EEA1: variants seen among roughly 807,000 people sequenced by gnomAD.
The protein encoded by EEA1 is early endosome antigen 1, also known as early endosome antigen 1, 162kD.
A neutral mutation model predicts 209.2 loss-of-function variants in EEA1; 111 were observed. The observed-to-expected ratio is 0.53, with a 90% confidence interval of 0.45 to 0.62. The LOEUF is 0.62. Ranked by LOEUF, EEA1 falls within the 20% of genes least tolerant of loss-of-function variation. The probability of loss-of-function intolerance (pLI) is 0.00; values close to 1 mark genes in which losing one functional copy is unlikely to be tolerated. For missense variants in EEA1, 1,343 were observed against 1,530.8 expected, an observed-to-expected ratio of 0.88 and a Z score of 2.05; for synonymous variants, 536 against 540.6, an observed-to-expected ratio of 0.99 and a Z score of 0.12.
At chr12:92,805,134 G>A (rs1209306807) in intron 18 of EEA1, among the ~76,000 whole-genome samples, 5 of 152,136 alleles carry the variant, frequency 3.3e-5, no homozygotes, top group Non-Finnish European at 5.9e-5. Flanking sequence ...AAGCCATCTC[G>A]GAGATGATCT....
chr12:92,877,895 G>A (rs1171502630), intron 2 of EEA1, among the ~76,000 whole-genome samples: 1 of 152,206 alleles, frequency 6.6e-6, no homozygotes, highest in Non-Finnish European at 1.5e-5. Flanking sequence ...TGCATAATAG[G>A]AAGCCAATGA....
chr12:92,797,846 T>C (rs1211390782), intron 21 of EEA1, among the ~76,000 whole-genome samples: 7 of 152,204 alleles, frequency 4.6e-5, no homozygotes, highest in Non-Finnish European at 5.9e-5. Flanking sequence ...ACAAAAACAG[T>C]GGTCAACATA....
At chr12:92,827,876 C>T in intron 12 of EEA1, 36 bp downstream of exon 12, 1 of 1,501,622 alleles carries the variant, frequency 6.7e-7, no homozygotes, top group Non-Finnish European at 8.9e-7. Flanking sequence ...TTAAAGATGC[C>T]TCAAGCCTAT....
chr12:92,846,999 T>C (rs1318581729), intron 9 of EEA1, among the ~76,000 whole-genome samples: 1 of 152,136 alleles, frequency 6.6e-6, no homozygotes, highest in Non-Finnish European at 1.5e-5. Context: ...CTGCCCAGGT[T>C]CGAAGTACAG....
chr12:92,828,092 A>T (rs766044754), intron 11 of EEA1, 31 bp from the exon 12 acceptor site: 37 of 1,510,648 alleles, frequency 2.4e-5, no homozygotes, highest in Non-Finnish European at 3.1e-5. Context: ...ATGTATGTAC[A>T]TATGTACAAA....
intron 3 of EEA1, chr12:92,858,129 C>A: frequency 1.7e-6 from 1 of 572,072 alleles, no homozygotes; most frequent in South Asian, 1.9e-5. Flanking sequence ...GAGAAGGGCA[C>A]ATTCCTCTTC....
intron 1 of EEA1, among the ~76,000 whole-genome samples, chr12:92,907,287 T>C (rs1880419693): frequency 6.6e-6 from 1 of 152,246 alleles, no homozygotes; most frequent in Non-Finnish European, 1.5e-5. Flanking sequence ...CATATTTTCC[T>C]GTCCTGCCAA....
chr12:92,879,465 G>A, intron 2 of EEA1: 1 of 339,000 alleles, frequency 2.9e-6, no homozygotes, highest in Non-Finnish European at 5.8e-6. Flanking sequence ...CACAGTAACG[G>A]AAAGAGAAAA....
chr12:92,921,747 A>G (rs564615961), intron 1 of EEA1, among the ~76,000 whole-genome samples: 149 of 141,678 alleles, frequency 1.1e-3, no homozygotes, highest in African/African-American at 3.8e-3. Flanking sequence ...CTTAAAGTAT[A>G]ATAAAAAAAA....
intron 22 of EEA1, among the ~76,000 whole-genome samples, chr12:92,787,361 CAAAT>C (rs1565807602): frequency 6.6e-6 from 1 of 152,042 alleles, no homozygotes; most frequent in East Asian, 1.9e-4. Context: ...TTTATCTAAT[CAAAT>C]AACATTACCA....
At chr12:92,917,100 G>A (rs1770579908) in intron 1 of EEA1, among the ~76,000 whole-genome samples, 1 of 145,000 alleles carries the variant, frequency 6.9e-6, no homozygotes, top group Non-Finnish European at 1.5e-5. Context: ...TATGTGAAAA[G>A]ACCAAATCTA....
At chr12:92,865,055 A>T in intron 2 of EEA1, 68 bp from the exon 3 acceptor site, 1 of 1,255,402 alleles carries the variant, frequency 8.0e-7, no homozygotes. Context: ...TTTGCATATT[A>T]TTAAATATCA....
intron 2 of EEA1, among the ~76,000 whole-genome samples, chr12:92,882,528 G>C (rs1024050133): frequency 4.0e-5 from 6 of 150,184 alleles, no homozygotes; most frequent in African/African-American, 1.5e-4. Flanking sequence ...CAGGTACTAA[G>C]TATAGTACCC....
chr12:92,855,297 G>A (rs1040667766), intron 5 of EEA1, among the ~76,000 whole-genome samples: 9 of 152,242 alleles, frequency 5.9e-5, no homozygotes, highest in African/African-American at 9.6e-5. Flanking sequence ...GCCTGATGGC[G>A]GACGTGCCTG....
chr12:92,780,414 G>A lies in EEA1; in HGVS notation c.3337-3C>T. ...ACCAGTTCTTTTTCTTTCAGTGACTGTAGAAAAATGATATATTTTAAAATT... is the reference window on the plus strand; with the variant it reads ...ACCAGTTCTTTTTCTTTCAGTGACTATAGAAAAATGATATATTTTAAAATT... On this transcript the variant is annotated splice_polypyrimidine_tract_variant and splice_region_variant and intron_variant, in intron 23 of 28. Coordinates refer to ENST00000322349, the MANE Select transcript of EEA1 (RefSeq NM_003566.4). 6.7e-7 allele frequency: 1 copy of A among 1,485,994 alleles called. No homozygotes were observed. Among genetic ancestry groups the A allele is most frequent in the South Asian group, 1.3e-5 (1 of 79,026 alleles). The allele number at this position is 1,485,994 out of a possible 1,614,324, so 92.1% of individuals were successfully genotyped here. A position where few individuals can be genotyped will look rare whatever the true frequency, so the allele number is the denominator to read the frequency against.
intron 21 of EEA1, among the ~76,000 whole-genome samples, chr12:92,792,327 A>G (rs575645924): frequency 2.2e-4 from 34 of 152,324 alleles, no homozygotes; most frequent in African/African-American, 7.0e-4. Context: ...AAAAAATTCA[A>G]TGAATGCAGG....
chr12:92,826,755 A>G (rs1876326397), intron 12 of EEA1, among the ~76,000 whole-genome samples: 1 of 151,366 alleles, frequency 6.6e-6, no homozygotes, highest in Non-Finnish European at 1.5e-5. Context: ...GCAGTACCTC[A>G]TTACTTACAG....
intron 2 of EEA1, among the ~76,000 whole-genome samples, chr12:92,871,811 T>A (rs1878663042): frequency 6.6e-6 from 1 of 152,222 alleles, no homozygotes; most frequent in Admixed American, 6.5e-5. Context: ...ATGACACTTT[T>A]AAAAAATTCT....
At chr12:92,882,992 A>C (rs968480579) in intron 2 of EEA1, among the ~76,000 whole-genome samples, 3 of 152,174 alleles carry the variant, frequency 2.0e-5, no homozygotes, top group African/African-American at 7.2e-5. Context: ...TAAATCTCGA[A>C]ACTGCTTTCC....
Sources: gnomAD v4.1 joint callset for allele counts (sites outside exome capture counted in the v4.1 genomes callset) on GRCh38, gnomAD v4.1.1 for gene constraint, MANE v1.5 for transcripts, NCBI Gene and HGNC (gene_info 2026-07-23, HGNC 2026-07-21) for gene names.